The following SYNRG variants were observed in gnomAD, a reference collection of about 807,000 sequenced individuals.
SYNRG encodes synergin gamma.
Under a neutral mutation model 130.9 loss-of-function variants are expected in SYNRG, and 37 were observed. That is an observed-to-expected ratio of 0.28 (90% CI 0.22 to 0.37). The LOEUF is 0.37. Among genes scored for constraint, SYNRG ranks in the 10% least tolerant of loss-of-function variants. SYNRG has a pLI of 1.00. For synonymous variants in SYNRG, 539 were observed against 568.1 expected (o/e 0.95, Z 0.73); for missense variants, 1,338 against 1,588.9 (o/e 0.84, Z 2.68).
At chr17:37,599,337 T>C (rs1274739968) in intron 2 of SYNRG, among the ~76,000 whole-genome samples, 1 of 152,214 alleles carries the variant, frequency 6.6e-6, no homozygotes, top group Non-Finnish European at 1.5e-5. Flanking sequence ...TCACTACTAT[T>C]TCCTTGAAGA....
chr17:37,608,961 G>T (rs2064094720), intron 1 of SYNRG, among the ~76,000 whole-genome samples: 1 of 151,974 alleles, frequency 6.6e-6, no homozygotes, highest in African/African-American at 2.4e-5. Context: ...GACTAGGAGC[G>T]GAGTCGCGGT....
Position 37,577,442 on chromosome 17 carries a change from C to G in SYNRG, c.761G>C (p.Ser254Thr), listed in dbSNP as rs1233384295. 6.2e-7 allele frequency: 1 copy of G among 1,614,180 alleles called. No homozygotes were observed. Among genetic ancestry groups the G allele is most frequent in the Admixed American group, 1.7e-5 (1 of 60,006 alleles). ...SNGVAVDGCVSGTTTAEAENT... is the reference protein window; with the variant it reads ...SNGVAVDGCVTGTTTAEAENT... ...TTCTGCCTCTGCAGTGGTGGTACCACTTACACATCCATCTACAGCAACCCC... is the reference window on the plus strand; with the variant it reads ...TTCTGCCTCTGCAGTGGTGGTACCAGTTACACATCCATCTACAGCAACCCC... The change falls in exon 7 of 22, where the codon AGT becomes ACT. Residue 254 changes from serine to threonine, a missense_variant. By Grantham distance (58) the Ser-to-Thr change is moderately conservative. Coordinates refer to ENST00000612223, the MANE Select transcript of SYNRG (RefSeq NM_007247.6).
intron 13 of SYNRG, among the ~76,000 whole-genome samples, chr17:37,554,581 A>C (rs970238435): frequency 3.3e-5 from 5 of 152,258 alleles, no homozygotes; most frequent in Admixed American, 6.5e-5. Flanking sequence ...CTTTAAGAAT[A>C]ACATTAGATA....
chr17:37,555,872 C>CTCCA (rs1159175240), intron 13 of SYNRG, among the ~76,000 whole-genome samples: 2 of 152,080 alleles, frequency 1.3e-5, no homozygotes, highest in Non-Finnish European at 2.9e-5. Context: ...CACCGCTGCA[C>CTCCA]TCCAGCCTGG....
intron 21 of SYNRG, 116 bp from the exon 22 acceptor site, chr17:37,519,187 GCA>G (rs2054674925): frequency 7.3e-7 from 1 of 1,369,122 alleles, no homozygotes; most frequent in Admixed American, 2.1e-5. Flanking sequence ...GGCCAAAATG[GCA>G]CACACATAAA....
intron 13 of SYNRG, among the ~76,000 whole-genome samples, chr17:37,557,842 T>A (rs2059232625): frequency 1.3e-5 from 2 of 151,414 alleles, no homozygotes. Context: ...CAATACACTG[T>A]CTCTCAGAAA....
At chr17:37,527,137 T>C (rs1410355937) in intron 19 of SYNRG, among the ~76,000 whole-genome samples, 2 of 152,258 alleles carry the variant, frequency 1.3e-5, no homozygotes, top group African/African-American at 2.4e-5. Flanking sequence ...GAATTCATAT[T>C]TCACTGAGGT....
chr17:37,563,373 T>C (rs1266493119), intron 11 of SYNRG, among the ~76,000 whole-genome samples: 2 of 152,258 alleles, frequency 1.3e-5, no homozygotes, highest in African/African-American at 2.4e-5. Flanking sequence ...CTAGTGAATC[T>C]ATTAGTGTTT....
At chr17:37,598,443 G>A (rs1430703157) in intron 2 of SYNRG, among the ~76,000 whole-genome samples, 10 of 152,266 alleles carry the variant, frequency 6.6e-5, no homozygotes, top group African/African-American at 1.2e-4. Flanking sequence ...GATGTTTTCC[G>A]TCTTATTTCT....
rs1286495505 is a variant in SYNRG, at chr17:37,602,425, GAA to G, written c.78-2024_78-2023del. Among the ~76,000 whole-genome samples the G allele has an allele frequency of 2.0e-5, 3 of 152,266 alleles. No individual in the cohort carries two copies. The East Asian group carries it at 5.8e-4, about 29-fold the overall frequency. On this transcript the variant is annotated intron_variant, in intron 1 of 21. Coordinates refer to ENST00000612223, the MANE Select transcript of SYNRG (RefSeq NM_007247.6). ...CAAAACAACTAAGGACAAACTTGGAGAATTCTTGCAGTGAAAACTGAGTAGGA... is the reference window on the plus strand; with the variant it reads ...CAAAACAACTAAGGACAAACTTGGAGTTCTTGCAGTGAAAACTGAGTAGGA...
chr17:37,589,833 C>T (rs532440868), intron 3 of SYNRG, among the ~76,000 whole-genome samples: 1 of 151,694 alleles, frequency 6.6e-6, no homozygotes, highest in African/African-American at 2.4e-5. Flanking sequence ...CCTTCTACCA[C>T]ACACTGATTC....
intron 6 of SYNRG, among the ~76,000 whole-genome samples, chr17:37,583,702 T>G (rs1454808270): frequency 6.6e-6 from 1 of 152,194 alleles, no homozygotes; most frequent in African/African-American, 2.4e-5. Context: ...TTGTTTTTTG[T>G]TGTTTTTTGA....
At chr17:37,603,976 C>A (rs2063514595) in intron 1 of SYNRG, among the ~76,000 whole-genome samples, 1 of 152,156 alleles carries the variant, frequency 6.6e-6, no homozygotes, top group African/African-American at 2.4e-5. Context: ...TATGGTGGCT[C>A]ATGCCTGTAA....
At position 37,579,275 on chromosome 17, in the gene SYNRG, G is replaced by T. The variant is rs769372587; in HGVS notation, c.590-1662C>A. On this transcript the variant is annotated intron_variant, in intron 6 of 21. Transcript: ENST00000612223. ...CTTCTGTGTATGCAACTGGCCAAGT[G>T]GGGTGGAGGGGTGGAAAGACTGAAA... is the stretch of plus-strand genomic sequence containing the variant. The T allele has an allele frequency of 3.1e-6, 4 of 1,302,778 alleles. No individual in the cohort carries two copies. In the South Asian group the frequency reaches 3.7e-5, roughly 12 times the overall value. The allele number at this position is 1,302,778 out of a possible 1,614,324, so 80.7% of individuals were successfully genotyped here. A position where few individuals can be genotyped will look rare whatever the true frequency, so the allele number is the denominator to read the frequency against.
At chr17:37,596,076 T>G (rs1466266654) in intron 3 of SYNRG, 147 bp downstream of exon 3, 20 of 908,252 alleles carry the variant, frequency 2.2e-5, no homozygotes, top group Non-Finnish European at 3.2e-5. Context: ...TCTTGGAGGG[T>G]GAACACATCT....
rs771091559 is a variant in SYNRG at position 37,539,216 on chromosome 17, C to G, written c.3396G>C (p.Gln1132His). 1 of 1,614,242 alleles carries G rather than the reference C, an allele frequency of 6.2e-7. No individual in the cohort carries two copies. The highest frequency in any genetic ancestry group is 1.1e-5 in the South Asian group (1 of 91,090). The change falls in exon 17 of 22, where the codon CAG becomes CAC. Residue 1132 changes from glutamine to histidine, a missense_variant. This residue lies in a region of SYNRG where 1,146 missense variants were observed against 1,342.3 expected (regional missense o/e 0.85). Transcript: ENST00000612223. The stretch of plus-strand genomic sequence containing the variant: ...CATTCAGGGCACTCCCCAGGCATCT[C>G]TGCCATTCATATGCATATCTCTCAT... ...EENERYAYEW[Q>H]RCLGSALNVI...
At chr17:37,555,284 G>A (rs1372155659) in intron 13 of SYNRG, among the ~76,000 whole-genome samples, 2 of 151,914 alleles carry the variant, frequency 1.3e-5, no homozygotes, top group Non-Finnish European at 1.5e-5. Context: ...CTGCCACCAC[G>A]CCCGGCTAAT....
chr17:37,567,618 A>G (rs970918088), intron 11 of SYNRG: 4 of 152,214 alleles, frequency 2.6e-5, no homozygotes, highest in Non-Finnish European at 4.4e-5. Flanking sequence ...TGTTATGTAC[A>G]TGCATTTAAT....
At chr17:37,543,878 C>T (rs1568332202) in intron 14 of SYNRG, among the ~76,000 whole-genome samples, 1 of 152,324 alleles carries the variant, frequency 6.6e-6, no homozygotes, top group East Asian at 1.9e-4. Context: ...TCATTGTAGT[C>T]ACTGTACATG....
Sources: gnomAD v4.1 joint callset for allele counts (sites outside exome capture counted in the v4.1 genomes callset) on GRCh38, gnomAD v4.1.1 for gene constraint, gnomAD v4.1.1 regional missense constraint, MANE v1.5 for transcripts, NCBI Gene and HGNC (gene_info 2026-07-23, HGNC 2026-07-21) for gene names.